Variants in FOXN3 observed in about 807,000 individuals in gnomAD.
FOXN3 encodes forkhead box N3.
A neutral mutation model predicts 38.4 loss-of-function variants in FOXN3; 7 were observed. The observed-to-expected ratio is 0.18, with a 90% CI of 0.10 to 0.34. The LOEUF (loss-of-function observed/expected upper bound fraction) is 0.34. FOXN3 is among the 10% of genes least tolerant of loss of function. The probability of loss-of-function intolerance (pLI) is 1.00; values close to 1 mark genes in which losing one functional copy is unlikely to be tolerated. For synonymous variants in FOXN3, 230 were observed against 242.2 expected (o/e 0.95, Z 0.47); for missense variants, 456 against 613.4 (o/e 0.74, Z 2.71).
At chr14:89,328,628 AAG>A (rs1355356337) in intron 3 of FOXN3, among the ~76,000 whole-genome samples, 2 of 152,226 alleles carry the variant, frequency 1.3e-5, no homozygotes, top group East Asian at 3.8e-4. Flanking sequence ...TGAATAGGAG[AAG>A]AGACATTCCC....
chr14:89,489,052 T>A (rs1329785294), intron 1 of FOXN3, among the ~76,000 whole-genome samples: 1 of 152,052 alleles, frequency 6.6e-6, no homozygotes, highest in Non-Finnish European at 1.5e-5. Flanking sequence ...AACAAGGGGG[T>A]ACTGAAAATG....
intron 1 of FOXN3, among the ~76,000 whole-genome samples, chr14:89,498,784 A>C (rs542253394): frequency 7.6e-6 from 1 of 131,856 alleles, no homozygotes; most frequent in East Asian, 2.8e-4. Context: ...GGTGGGCTGC[A>C]CACAGAGGGC....
intron 1 of FOXN3, among the ~76,000 whole-genome samples, chr14:89,445,381 G>A (rs777432076): frequency 3.3e-5 from 5 of 152,176 alleles, no homozygotes; most frequent in Admixed American, 6.5e-5. Context: ...TTGTTTGCCT[G>A]GGGTGCAGTG....
In FOXN3 at chr14:89,609,521, A is replaced by T. The variant is rs1422774886; in HGVS notation, c.-15+9507T>A. Among the ~76,000 whole-genome samples, 11 of 152,328 alleles carry T rather than the reference A, an allele frequency of 7.2e-5. No individual in the cohort carries two copies. In the East Asian group the frequency reaches 1.9e-3, roughly 27 times the overall value. On this transcript the variant is annotated intron_variant, in intron 1 of 6. Transcript: ENST00000345097. ...GCAACCACGTGCCAGGCTCCGTGCC[A>T]AGTGCTTTTCAGGGACTCATGATTT...
intron 1 of FOXN3, among the ~76,000 whole-genome samples, chr14:89,580,143 A>G (rs917109913): frequency 6.6e-6 from 1 of 152,184 alleles, no homozygotes; most frequent in Non-Finnish European, 1.5e-5. Flanking sequence ...GAGTCTAGGA[A>G]ATCAGTCAAG....
chr14:89,273,216 G>A (rs1035329769), intron 4 of FOXN3, among the ~76,000 whole-genome samples: 11 of 151,960 alleles, frequency 7.2e-5, no homozygotes, highest in Admixed American at 1.3e-4. Flanking sequence ...CTTCCTCCCC[G>A]CCCTGATTCC....
At chr14:89,195,055 T>C (rs1209312758) in intron 4 of FOXN3, among the ~76,000 whole-genome samples, 1 of 152,252 alleles carries the variant, frequency 6.6e-6, no homozygotes, top group Non-Finnish European at 1.5e-5. Flanking sequence ...GCACTGTTTG[T>C]ACAGGCATTG....
intron 4 of FOXN3, among the ~76,000 whole-genome samples, chr14:89,249,788 AGGGACAGGCTCTTCAGCCCATG>A (rs1885401235): frequency 6.6e-6 from 1 of 152,196 alleles, no homozygotes; most frequent in African/African-American, 2.4e-5. Context: ...ACTGCAGAGG[AGGGACAGGCTCTTCAGCCCATG>A]GGCCAAATCC....
chr14:89,555,702 G>A (rs186447041), intron 1 of FOXN3, among the ~76,000 whole-genome samples: 119 of 152,194 alleles, frequency 7.8e-4, no homozygotes, highest in Middle Eastern at 6.8e-3. Context: ...CAATAACCAG[G>A]TAAGGAGGCA....
intron 1 of FOXN3, among the ~76,000 whole-genome samples, chr14:89,511,765 C>T (rs142876649): frequency 7.2e-5 from 11 of 152,250 alleles, no homozygotes; most frequent in African/African-American, 2.4e-4. Context: ...AATTGACTCA[C>T]GGTTCTGCAG....
At chr14:89,398,997 C>T (rs1891174611) in intron 2 of FOXN3, among the ~76,000 whole-genome samples, 1 of 152,202 alleles carries the variant, frequency 6.6e-6, no homozygotes, top group Non-Finnish European at 1.5e-5. Context: ...ATCAGCCAAT[C>T]AATCAATAAA....
At chr14:89,466,877 A>G (rs1892982857) in intron 1 of FOXN3, among the ~76,000 whole-genome samples, 1 of 152,194 alleles carries the variant, frequency 6.6e-6, no homozygotes, top group African/African-American at 2.4e-5. Context: ...CACTGCTTTC[A>G]TTACTGAAAA....
At chr14:89,413,886 A>C (rs576230152) in intron 1 of FOXN3, among the ~76,000 whole-genome samples, 29 of 130,788 alleles carry the variant, frequency 2.2e-4, no homozygotes, top group African/African-American at 7.4e-4. Context: ...AAGGGCAGGG[A>C]AGGGCAGGGC....
intron 4 of FOXN3, among the ~76,000 whole-genome samples, chr14:89,215,180 T>G (rs1884231382): frequency 1.5e-5 from 2 of 135,228 alleles, no homozygotes; most frequent in African/African-American, 5.6e-5. Flanking sequence ...TTAGAGATTC[T>G]ATTTGGGGAA....
At chr14:89,537,113 G>A (rs1894705407) in intron 1 of FOXN3, among the ~76,000 whole-genome samples, 2 of 152,200 alleles carry the variant, frequency 1.3e-5, no homozygotes, top group Non-Finnish European at 2.9e-5. Flanking sequence ...ATTTCTCTGA[G>A]GGTGTTGGTT....
intron 4 of FOXN3, among the ~76,000 whole-genome samples, chr14:89,205,462 C>T (rs144327277): frequency 6.6e-6 from 1 of 152,262 alleles, no homozygotes; most frequent in Non-Finnish European, 1.5e-5. Context: ...GCCTGCCACA[C>T]TCCCATCGTG....
At chr14:89,191,325 C>T (rs907123128) in intron 4 of FOXN3, among the ~76,000 whole-genome samples, 8 of 152,216 alleles carry the variant, frequency 5.3e-5, no homozygotes, top group Admixed American at 1.3e-4. Flanking sequence ...TCTGCCCCAG[C>T]GCAGCGTCCC....
At chr14:89,368,128 A>C (rs1399830452) in intron 2 of FOXN3, among the ~76,000 whole-genome samples, 2 of 151,680 alleles carry the variant, frequency 1.3e-5, no homozygotes, top group African/African-American at 4.9e-5. Context: ...CAGGAGTTCG[A>C]GACCAGCCTG....
chr14:89,486,202 A>C (rs1019797901), intron 1 of FOXN3, among the ~76,000 whole-genome samples: 2 of 152,242 alleles, frequency 1.3e-5, no homozygotes, highest in Non-Finnish European at 2.9e-5. Context: ...AACATTAGAA[A>C]GATTAATACG....
Sources: allele counts gnomAD v4.1 joint callset (sites outside exome capture counted in the v4.1 genomes callset), GRCh38; gene constraint gnomAD v4.1.1; transcripts MANE v1.5; gene names NCBI Gene and HGNC (gene_info 2026-07-23, HGNC 2026-07-21).